DACH2: variants seen among roughly 807,000 people sequenced by gnomAD.
DACH2 encodes the protein dachshund homolog 2.
In DACH2, 17 loss-of-function variants were observed where a neutral mutation model predicts 35.8. That is an observed-to-expected ratio of 0.48 (90% confidence interval 0.33 to 0.71). The LOEUF (loss-of-function observed/expected upper bound fraction) is 0.71. DACH2 is among the 30% of genes least tolerant of loss of function. The probability of loss-of-function intolerance (pLI) is 0.02; values close to 1 mark genes in which losing one functional copy is unlikely to be tolerated. For missense variants in DACH2, 469 were observed against 472.7 expected, an observed-to-expected ratio of 0.99 and a Z score of 0.07; for synonymous variants, 195 against 177.3, an observed-to-expected ratio of 1.10 and a Z score of -0.79.
chrX:86,615,020 C>T (rs1274366282), intron 3 of DACH2, among the ~76,000 whole-genome samples: 1 of 111,346 alleles, frequency 9.0e-6, no homozygotes, highest in Non-Finnish European at 1.9e-5. Context: ...TGAATAGGTC[C>T]ATAAAATGTT....
chrX:86,619,096 T>C (rs1003700457), intron 3 of DACH2, among the ~76,000 whole-genome samples: 4 of 112,254 alleles, frequency 3.6e-5, no homozygotes, highest in African/African-American at 1.3e-4. Context: ...TTTTTAACAA[T>C]GTTTGCACAG....
chrX:86,806,101 G>GTTC (rs1407397450), intron 7 of DACH2, among the ~76,000 whole-genome samples: 1 of 110,961 alleles, frequency 9.0e-6, no homozygotes, highest in Non-Finnish European at 1.9e-5. Flanking sequence ...GCATTAGTCT[G>GTTC]TTCTTGCACT....
chrX:86,700,520 T>A (rs2041129360), intron 5 of DACH2, among the ~76,000 whole-genome samples: 1 of 63,647 alleles, frequency 1.6e-5, no homozygotes, highest in African/African-American at 7.0e-5. Flanking sequence ...TGCTCTTTTT[T>A]ATCTAACCCC....
At position 86,744,817 on chromosome X, in the gene DACH2, G is replaced by A. The variant is rs576865203; in HGVS notation, c.1240+4935G>A. 9.0e-5 allele frequency among the ~76,000 whole-genome samples: 10 copies of A among 111,250 alleles called. No individual in the cohort carries two copies. In the South Asian group the frequency reaches 3.7e-3, roughly 41 times the overall value. ...TTTCACAGACTATGTCAAATAAATC[G>A]ACCAAATTAATCACGTTATGACATT... On this transcript the variant is annotated intron_variant, in intron 7 of 11. Transcript: ENST00000373125.
intron 1 of DACH2, among the ~76,000 whole-genome samples, chrX:86,253,951 A>C (rs2147954332): frequency 8.9e-6 from 1 of 112,071 alleles, no homozygotes; most frequent in East Asian, 2.8e-4. Flanking sequence ...TAATATTTAT[A>C]GAAAAATCTA....
rs200642192 is a variant in DACH2 at position 86,655,134 on chromosome X, AG to A, written c.772+3970del. Among the ~76,000 whole-genome samples the A allele has an allele frequency of 6.3e-3, 702 of 111,591 alleles. 4 individuals are homozygous for A. Among genetic ancestry groups the A allele is most frequent in the African/African-American group, 0.022 (670 of 30,752 alleles). On this transcript the variant is annotated intron_variant, in intron 4 of 11. Coordinates refer to ENST00000373125, the MANE Select transcript of DACH2 (RefSeq NM_053281.3). Reference sequence around the variant, plus strand: ...GTAGATCATTTCAACAAGGGAGATCAGGGTTCATAGCATTTATGGTCTGATT... The same window carrying A: ...GTAGATCATTTCAACAAGGGAGATCAGGTTCATAGCATTTATGGTCTGATT...
intron 2 of DACH2, among the ~76,000 whole-genome samples, chrX:86,489,638 G>A (rs962203976): frequency 9.0e-6 from 1 of 111,241 alleles, no homozygotes; most frequent in African/African-American, 3.3e-5. Flanking sequence ...TATATACAAT[G>A]TTTTACTTGT....
intron 1 of DACH2, among the ~76,000 whole-genome samples, chrX:86,165,072 T>G (rs1239297520): frequency 9.0e-6 from 1 of 111,664 alleles, no homozygotes; most frequent in Admixed American, 9.5e-5. Flanking sequence ...CCCATAAGCA[T>G]GGGATGTTTT....
chrX:86,331,210 G>A (rs886651316), intron 1 of DACH2, among the ~76,000 whole-genome samples: 1 of 111,066 alleles, frequency 9.0e-6, no homozygotes, highest in Admixed American at 9.7e-5. Flanking sequence ...ATCATTGGAT[G>A]AAAGGTTTAT....
At chrX:86,417,089 C>CAAA (rs386417185) in intron 2 of DACH2, among the ~76,000 whole-genome samples, 1,581 of 23,001 alleles carry the variant, frequency 0.069, 461 homozygotes, top group African/African-American at 0.28. Context: ...GACTCCATCT[C>CAAA]AAAAAAAAAA....
chrX:86,645,104 G>T (rs760356954), intron 3 of DACH2, among the ~76,000 whole-genome samples: 2 of 110,997 alleles, frequency 1.8e-5, no homozygotes, highest in Admixed American at 9.6e-5. Flanking sequence ...CACAGCAAAA[G>T]AACCTATCAA....
intron 2 of DACH2, among the ~76,000 whole-genome samples, chrX:86,398,998 C>T (rs1185379481): frequency 9.0e-6 from 1 of 111,114 alleles, no homozygotes; most frequent in Non-Finnish European, 1.9e-5. Context: ...TAAAGTCTCC[C>T]ATTATTATTG....
At chrX:86,655,787 C>A (rs1156660340) in intron 4 of DACH2, among the ~76,000 whole-genome samples, 1 of 110,915 alleles carries the variant, frequency 9.0e-6, no homozygotes, top group Non-Finnish European at 1.9e-5. Context: ...GTAATAAAAG[C>A]AACAAGAAGA....
chrX:86,395,624 G>A (rs1345924858), intron 2 of DACH2, among the ~76,000 whole-genome samples: 2 of 110,817 alleles, frequency 1.8e-5, no homozygotes, highest in African/African-American at 6.6e-5. Context: ...ACCTATGAGT[G>A]AGAACATGCG....
At chrX:86,375,597 G>C (rs1267331317) in intron 1 of DACH2, among the ~76,000 whole-genome samples, 1 of 106,965 alleles carries the variant, frequency 9.3e-6, no homozygotes, top group Non-Finnish European at 1.9e-5. Context: ...TTTAAGAACA[G>C]TGTCACCTCA....
intron 2 of DACH2, among the ~76,000 whole-genome samples, chrX:86,478,722 G>T (rs1435662103): frequency 9.2e-6 from 1 of 108,832 alleles, no homozygotes. Flanking sequence ...CAAATTCCTA[G>T]GGGGAGCAGA....
At chrX:86,606,410 ATTTTTT>A in intron 3 of DACH2, among the ~76,000 whole-genome samples, 1 of 108,692 alleles carries the variant, frequency 9.2e-6, no homozygotes, top group South Asian at 3.9e-4. Context: ...GTTTCAAGAA[ATTTTTT>A]CAATTTTTCA....
intron 3 of DACH2, among the ~76,000 whole-genome samples, chrX:86,575,861 A>T (rs2039429664): frequency 8.9e-6 from 1 of 111,828 alleles, no homozygotes; most frequent in African/African-American, 3.2e-5. Flanking sequence ...TTGTATTAAT[A>T]TGCGATACTG....
chrX:86,765,327 T>A (rs913113487), intron 7 of DACH2, among the ~76,000 whole-genome samples: 1 of 111,502 alleles, frequency 9.0e-6, no homozygotes, highest in Admixed American at 9.6e-5. Flanking sequence ...AGGAAGAGTA[T>A]TTCCTGGGTT....
Sources: gnomAD v4.1 joint callset for allele counts (sites outside exome capture counted in the v4.1 genomes callset) on GRCh38, gnomAD v4.1.1 for gene constraint, MANE v1.5 for transcripts, NCBI Gene and HGNC (gene_info 2026-07-23, HGNC 2026-07-21) for gene names.